The following TRIO variants were observed in gnomAD, a reference collection of about 807,000 sequenced individuals.
TRIO encodes the protein trio Rho guanine nucleotide exchange factor.
A neutral mutation model predicts 351.9 loss-of-function variants in TRIO; 58 were observed. The ratio of observed to expected loss-of-function variants is 0.16; its 90% CI spans 0.13 to 0.21. The LOEUF is 0.21. Among genes scored for constraint, TRIO ranks in the 10% least tolerant of loss-of-function variants. The pLI is 1.00. For missense variants in TRIO, 3,201 were observed against 4,027.8 expected (o/e 0.79, Z 5.56); for synonymous variants, 1,758 against 1,595.7 (o/e 1.10, Z -2.42).
At position 14,377,539 on chromosome 5, in the gene TRIO, C is replaced by T. The variant is rs569636328; in HGVS notation, c.3332-473C>T. ...TACTGGGATTACAGGCGTGAGCCAC[C>T]GCGCCCAGCTTGGTTTTTCTTTTTT... On this transcript the variant is annotated intron_variant, in intron 19 of 56. Transcript: ENST00000344204. Among the ~76,000 whole-genome samples, 22 of 152,226 alleles carry T rather than the reference C, an allele frequency of 1.4e-4. No individual in the cohort carries two copies. In the South Asian group the frequency reaches 3.1e-3, roughly 22 times the overall value.
intron 30 of TRIO, among the ~76,000 whole-genome samples, chr5:14,400,755 C>T (rs920516892): frequency 1.3e-5 from 2 of 152,158 alleles, no homozygotes; most frequent in Admixed American, 1.3e-4. Context: ...CAGTAAGAGA[C>T]GCTCACAGGA....
At chr5:14,369,878 A>G (rs542159973) in intron 18 of TRIO, among the ~76,000 whole-genome samples, 17 of 152,036 alleles carry the variant, frequency 1.1e-4, no homozygotes, top group Non-Finnish European at 1.9e-4. Context: ...TCCTTTGGAG[A>G]CTCAGCCTCC....
At chr5:14,248,289 A>G (rs1026939463) in intron 1 of TRIO, among the ~76,000 whole-genome samples, 7 of 152,176 alleles carry the variant, frequency 4.6e-5, no homozygotes, top group African/African-American at 1.4e-4. Flanking sequence ...TACAAATGGA[A>G]TGTCAAACCT....
In TRIO at chr5:14,467,017, ATTG is replaced by A. The variant is rs1489318051; in HGVS notation, c.5763+1380_5763+1382del. ...CAACCCTATGAGGTTGTTATGCACT[ATTG>A]TTATCCCATTTTACAGATAAGGAAA... On this transcript the variant is annotated intron_variant, in intron 37 of 56. Coordinates refer to ENST00000344204, the MANE Select transcript of TRIO (RefSeq NM_007118.4). Among the ~76,000 whole-genome samples the A allele has an allele frequency of 3.3e-5, 5 of 152,320 alleles. No homozygotes were observed. The East Asian group carries it at 9.6e-4, about 29-fold the overall frequency.
intron 34 of TRIO, among the ~76,000 whole-genome samples, chr5:14,452,264 C>T (rs1752898240): frequency 6.6e-6 from 1 of 152,228 alleles, no homozygotes; most frequent in Admixed American, 6.5e-5. Flanking sequence ...CGCCGCTCTG[C>T]TTCATCCTGC....
In TRIO at chr5:14,397,169, A is replaced by T. The variant is rs1747674154; in HGVS notation, c.4423+15A>T. 1 of 1,586,658 alleles carries T rather than the reference A, an allele frequency of 6.3e-7. No homozygotes were observed. On this transcript the variant is annotated intron_variant, in intron 29 of 56. Coordinates refer to ENST00000344204, the MANE Select transcript of TRIO (RefSeq NM_007118.4). ...CATGCTGGAAGGTAAAGGACCCTCC[A>T]TACCCCAGTGTGCATCTATGCAGTT...
intron 8 of TRIO, among the ~76,000 whole-genome samples, chr5:14,305,503 T>C (rs1738285017): frequency 1.3e-5 from 2 of 152,240 alleles, no homozygotes; most frequent in Non-Finnish European, 2.9e-5. Flanking sequence ...TCTATGTTAA[T>C]ATGAAAGATT....
chr5:14,166,000 T>C (rs1232179931), intron 1 of TRIO, among the ~76,000 whole-genome samples: 1 of 152,246 alleles, frequency 6.6e-6, no homozygotes, highest in Non-Finnish European at 1.5e-5. Flanking sequence ...TCTTCCTTTC[T>C]CCTGCATTTC....
Position 14,392,120 on chromosome 5 carries a change from A to T in TRIO, c.4218+1130A>T, listed in dbSNP as rs184353261. 7.8e-4 allele frequency among the ~76,000 whole-genome samples: 119 copies of T among 152,326 alleles called. 1 individual carries two copies. The highest frequency in any genetic ancestry group is 7.3e-5 in the Non-Finnish European group (5 of 68,030). On this transcript the variant is annotated intron_variant, in intron 27 of 56. Coordinates refer to ENST00000344204, the MANE Select transcript of TRIO (RefSeq NM_007118.4). The stretch of plus-strand genomic sequence containing the variant: ...ATTTTAGAAACCCTTATGCCCCAGC[A>T]AAATAAACTATCATCAGAGTGAACA...
At chr5:14,230,779 T>G (rs1287853441) in intron 1 of TRIO, among the ~76,000 whole-genome samples, 1 of 152,240 alleles carries the variant, frequency 6.6e-6, no homozygotes, top group Non-Finnish European at 1.5e-5. Context: ...TTAATCGTTT[T>G]GTAAGGTGTG....
intron 6 of TRIO, among the ~76,000 whole-genome samples, chr5:14,296,775 G>C (rs1581557100): frequency 6.6e-6 from 1 of 152,176 alleles, no homozygotes; most frequent in East Asian, 1.9e-4. Flanking sequence ...GTGAGTAATA[G>C]TATATTTGTG....
Position 14,280,169 on chromosome 5 carries a change from T to G in TRIO, c.233-153T>G, listed in dbSNP as rs562513661. Among the ~76,000 whole-genome samples, 52 of 152,346 alleles carry G rather than the reference T, an allele frequency of 3.4e-4. 1 individual carries two copies. The South Asian group carries it at 9.5e-3, about 28-fold the overall frequency. On this transcript the variant is annotated intron_variant, in intron 2 of 56. Coordinates refer to ENST00000344204, the MANE Select transcript of TRIO (RefSeq NM_007118.4). The stretch of plus-strand genomic sequence containing the variant: ...TCCCAGATCCCCTGAAGGGATGACA[T>G]GTCCTCACTGTGCCTCAGCTGAAAC...
intron 34 of TRIO, among the ~76,000 whole-genome samples, chr5:14,448,937 A>G (rs1752641418): frequency 6.6e-6 from 1 of 152,120 alleles, no homozygotes; most frequent in Non-Finnish European, 1.5e-5. Flanking sequence ...CATCTTCCCA[A>G]AAAATATATT....
Position 14,290,855 on chromosome 5 carries a change from C to T in TRIO, c.680C>T (p.Ala227Val), listed in dbSNP as rs781482212. The change falls in exon 5 of 57, where the codon GCC (alanine) becomes GTC (valine). Residue 227 changes from alanine to valine, a missense_variant. Ala to Val is a moderately conservative substitution (Grantham distance 64, BLOSUM62 0). Around this residue, in one of 19 missense-constraint regions of TRIO, gnomAD observed 349 missense variants for 449.3 expected, o/e 0.78. Coordinates refer to ENST00000344204, the MANE Select transcript of TRIO (RefSeq NM_007118.4). ...GCTTTTGAAGACTACATTAGCAATG[C>T]CACCCACATGCTGTCTCGGCTGGAG... ...RVAFEDYISN[A>V]THMLSRLEEL... 6.2e-7 allele frequency: 1 copy of T among 1,614,112 alleles called. No individual in the cohort carries two copies. The highest frequency in any genetic ancestry group is 8.5e-7 in the Non-Finnish European group (1 of 1,180,016).
rs1427068563 is a variant in TRIO at position 14,465,581 on chromosome 5, G to A, written c.5704G>A (p.Glu1902Lys). 6.2e-7 allele frequency: 1 copy of A among 1,613,760 alleles called. No individual in the cohort carries two copies. Among genetic ancestry groups the A allele is most frequent in the Non-Finnish European group, 8.5e-7 (1 of 1,179,950 alleles). Residue 1902 changes from glutamate (E) to lysine (K), a missense_variant, in exon 37 of 57, where the codon GAA (glutamate) becomes AAA (lysine). Glu to Lys is a moderately conservative substitution (Grantham distance 56, BLOSUM62 1). Around this residue, in one of 19 missense-constraint regions of TRIO, gnomAD observed 307 missense variants for 396.5 expected, o/e 0.77. Transcript: ENST00000344204. The stretch of plus-strand genomic sequence containing the variant: ...GTTATTAGTCCGCCCCACCAGCTCC[G>A]AAACACCGAGTGCAGCCGAGCTCGT... ...SRLLVRPTSS[E>K]TPSAAELVSA... is the part of the protein sequence containing the mutation.
intron 1 of TRIO, among the ~76,000 whole-genome samples, chr5:14,154,908 C>T (rs1000846404): frequency 6.6e-6 from 1 of 152,056 alleles, no homozygotes; most frequent in African/African-American, 2.4e-5. Context: ...TAATTCTTTC[C>T]GTTTGAAGAT....
In TRIO at chr5:14,496,854, C is replaced by T. The variant is rs558023241; in HGVS notation, c.7881-25C>T. Reference sequence around the variant, plus strand: ...TGGTGAATGTTGGAAAGGCATAATACCCACAGTGTGTTCATTTCCCCTAGG... The same window carrying T: ...TGGTGAATGTTGGAAAGGCATAATATCCACAGTGTGTTCATTTCCCCTAGG... On this transcript the variant is annotated intron_variant, in intron 49 of 56. Coordinates refer to ENST00000344204, the MANE Select transcript of TRIO (RefSeq NM_007118.4). The T allele has an allele frequency of 1.9e-6, 3 of 1,612,820 alleles. No individual in the cohort carries two copies. The East Asian group carries it at 6.7e-5, about 36-fold the overall frequency.
rs187892752 is a variant in TRIO at position 14,203,048 on chromosome 5, C to T, written c.157+59166C>T. 2.6e-4 allele frequency among the ~76,000 whole-genome samples: 40 copies of T among 151,986 alleles called. No homozygotes were observed. In the East Asian group the frequency reaches 5.8e-3, roughly 22 times the overall value. On this transcript the variant is annotated intron_variant, in intron 1 of 56. Coordinates refer to ENST00000344204, the MANE Select transcript of TRIO (RefSeq NM_007118.4). ...AGCCATGATAAGTTTTGTGGTGGTT[C>T]GTTTTGTAGTAATTAGATACCTGAT...
intron 34 of TRIO, among the ~76,000 whole-genome samples, chr5:14,432,941 A>G (rs1429350527): frequency 6.6e-6 from 1 of 152,212 alleles, no homozygotes; most frequent in Non-Finnish European, 1.5e-5. Flanking sequence ...GAAGTTTAAG[A>G]GAAATGGGAC....
Sources: allele counts gnomAD v4.1 joint callset (sites outside exome capture counted in the v4.1 genomes callset), GRCh38; gene constraint gnomAD v4.1.1; regional missense constraint gnomAD v4.1.1; transcripts MANE v1.5; gene names NCBI Gene and HGNC (gene_info 2026-07-23, HGNC 2026-07-21).